Variants in GPR176 observed in about 807,000 individuals in gnomAD.
GPR176 encodes G protein-coupled receptor 176.
Under a neutral mutation model 35.4 loss-of-function variants are expected in GPR176, and 26 were observed. The ratio of observed to expected loss-of-function variants is 0.74; its 90% CI spans 0.54 to 1.02. GPR176 has a LOEUF of 1.02. GPR176 is among the 50% of genes least tolerant of loss of function. The probability of loss-of-function intolerance (pLI) is 0.00; values close to 1 mark genes in which losing one functional copy is unlikely to be tolerated. For synonymous variants in GPR176, 278 were observed against 271.3 expected, an observed-to-expected ratio of 1.02 and a Z score of -0.24; for missense variants, 597 against 665.3, an observed-to-expected ratio of 0.90 and a Z score of 1.13.
intron 1 of GPR176, among the ~76,000 whole-genome samples, chr15:39,811,730 C>A (rs988288778): frequency 1.3e-5 from 2 of 152,058 alleles, no homozygotes; most frequent in African/African-American, 4.8e-5. Context: ...TCCTGGCGAA[C>A]ATGGTGAAAC....
Position 39,802,191 on chromosome 15 carries a change from C to T in GPR176, c.489G>A (p.Val163=), listed in dbSNP as rs376168046. 4 of 1,613,980 alleles carry T rather than the reference C, an allele frequency of 2.5e-6. No individual in the cohort carries two copies. Among genetic ancestry groups the T allele is most frequent in the Non-Finnish European group, 3.4e-6 (4 of 1,179,884 alleles). Residue 163 remains valine, a synonymous_variant, in exon 3 of 3, where the codon GTG becomes GTA. Transcript: ENST00000561100. Reference sequence around the variant, plus strand: ...CCACTGCATGGGCCCAGATGTACATCACCAGTTCACGGGACTTGGCATCAG... The same window carrying T: ...CCACTGCATGGGCCCAGATGTACATTACCAGTTCACGGGACTTGGCATCAG... ...KISDAKSREL[V]MYIWAHAVVA... is the part of the protein sequence containing the mutation.
At chr15:39,815,131 G>A (rs1019123032) in intron 1 of GPR176, among the ~76,000 whole-genome samples, 13 of 152,212 alleles carry the variant, frequency 8.5e-5, no homozygotes, top group Non-Finnish European at 1.8e-4. Flanking sequence ...GAAAAGGTCT[G>A]AAAGACAGAA....
chr15:39,913,557 GAAAA>G (rs974215148), intron 1 of GPR176, among the ~76,000 whole-genome samples: 7 of 150,160 alleles, frequency 4.7e-5, no homozygotes, highest in African/African-American at 1.7e-4. Context: ...AAAAAAAAAA[GAAAA>G]AAGAAAGAAA....
chr15:39,918,276 C>T (rs998651130), intron 1 of GPR176, among the ~76,000 whole-genome samples: 25 of 152,132 alleles, frequency 1.6e-4, no homozygotes, highest in African/African-American at 6.0e-4. Flanking sequence ...TAAATGTTTA[C>T]GATTTGCTAT....
rs146560194 is a variant in GPR176 at position 39,841,718 on chromosome 15, G to A, written c.173-34460C>T. Among the ~76,000 whole-genome samples, 243 of 152,266 alleles carry A rather than the reference G, an allele frequency of 1.6e-3. 1 individual carries two copies. The highest frequency in any genetic ancestry group is 5.7e-3 in the African/African-American group (236 of 41,556). On this transcript the variant is annotated intron_variant, in intron 1 of 2. Coordinates refer to ENST00000561100, the MANE Select transcript of GPR176 (RefSeq NM_007223.3). ...CAGAACTGTGAGATAATAAATTTCT[G>A]TTGTGTTAAGCCACCCAGTTTATGG...
At chr15:39,811,833 G>A (rs1280045182) in intron 1 of GPR176, among the ~76,000 whole-genome samples, 1 of 151,796 alleles carries the variant, frequency 6.6e-6, no homozygotes, top group African/African-American at 2.4e-5. Context: ...GGAGAATGGC[G>A]TGAACCTGGG....
intron 1 of GPR176, among the ~76,000 whole-genome samples, chr15:39,827,124 C>T (rs1236925008): frequency 6.6e-6 from 1 of 152,104 alleles, no homozygotes; most frequent in Non-Finnish European, 1.5e-5. Context: ...GGAATTTATG[C>T]TAAACAATGT....
At chr15:39,872,911 CTGTGTGTGTGTGTGTGTGTGTG>C (rs6145533) in intron 1 of GPR176, among the ~76,000 whole-genome samples, 62,950 of 141,416 alleles carry the variant, frequency 0.45, 13,943 homozygotes, top group East Asian at 0.63. Context: ...TCCAAAATAT[CTGTGTGTGTGTGTGTGTGTGTG>C]TGTGTGTGTG....
intron 1 of GPR176, among the ~76,000 whole-genome samples, chr15:39,919,351 G>A (rs891862814): frequency 1.3e-5 from 2 of 151,998 alleles, no homozygotes; most frequent in African/African-American, 4.8e-5. Context: ...CCAGCAGGTT[G>A]GTGTTCCGAA....
chr15:39,887,242 G>C (rs1376916577), intron 1 of GPR176, among the ~76,000 whole-genome samples: 1 of 152,162 alleles, frequency 6.6e-6, no homozygotes, highest in Admixed American at 6.5e-5. Flanking sequence ...CTGGGTCCTA[G>C]AAGCAGAAAA....
chr15:39,917,960 A>C (rs1451455531), intron 1 of GPR176, among the ~76,000 whole-genome samples: 7 of 149,902 alleles, frequency 4.7e-5, no homozygotes, highest in Non-Finnish European at 7.4e-5. Flanking sequence ...CAGGAGAATC[A>C]CTTGAACCCA....
At chr15:39,893,094 T>C (rs1036692809) in intron 1 of GPR176, among the ~76,000 whole-genome samples, 2 of 146,222 alleles carry the variant, frequency 1.4e-5, no homozygotes, top group Non-Finnish European at 3.1e-5. Context: ...TCTCTAACTC[T>C]CTTTTTTTTT....
intron 1 of GPR176, among the ~76,000 whole-genome samples, chr15:39,815,923 A>G (rs573734756): frequency 1.7e-4 from 26 of 152,378 alleles, no homozygotes; most frequent in African/African-American, 6.3e-4. Context: ...TGAATGGATA[A>G]ATGGACGAAT....
intron 1 of GPR176, among the ~76,000 whole-genome samples, chr15:39,894,806 C>A (rs925903853): frequency 4.6e-5 from 7 of 152,234 alleles, no homozygotes; most frequent in African/African-American, 1.7e-4. Flanking sequence ...CTCCTCACTT[C>A]CCAGACGGGG....
chr15:39,822,519 CTT>C (rs1900343583), intron 1 of GPR176, among the ~76,000 whole-genome samples: 9 of 152,130 alleles, frequency 5.9e-5, no homozygotes, highest in Admixed American at 5.9e-4. Flanking sequence ...ATTAGTGAGA[CTT>C]ATTTCTAAGT....
At position 39,879,125 on chromosome 15, in the gene GPR176, A is replaced by G. The variant is rs118010066; in HGVS notation, c.172+40730T>C. Reference sequence around the variant, plus strand: ...AAACTAGAGAACAAATGGGTCAACTATCATTTTACAGACTACTGGGCCTAC... The same window carrying G: ...AAACTAGAGAACAAATGGGTCAACTGTCATTTTACAGACTACTGGGCCTAC... On this transcript the variant is annotated intron_variant, in intron 1 of 2. Transcript: ENST00000561100. Among the ~76,000 whole-genome samples the G allele has an allele frequency of 2.8e-3, 430 of 152,328 alleles. 5 individuals carry two copies. Among genetic ancestry groups the G allele is most frequent in the East Asian group, 0.027 (141 of 5,192 alleles).
intron 1 of GPR176, among the ~76,000 whole-genome samples, chr15:39,838,525 A>G (rs113255168): frequency 0.01 from 1,527 of 152,320 alleles, 25 homozygotes; most frequent in African/African-American, 0.035. Context: ...ATAAGGGTTC[A>G]ATATATTCAA....
intron 1 of GPR176, among the ~76,000 whole-genome samples, chr15:39,855,992 A>C (rs76450626): frequency 0.012 from 1,883 of 152,338 alleles, 57 homozygotes; most frequent in African/African-American, 0.043. Flanking sequence ...AAGATGCCGA[A>C]ACAAATTCAG....
chr15:39,873,730 C>T (rs2032138692), intron 1 of GPR176, among the ~76,000 whole-genome samples: 1 of 151,678 alleles, frequency 6.6e-6, no homozygotes, highest in Non-Finnish European at 1.5e-5. Context: ...TATCTATGGG[C>T]ACCCTGCACC....
Sources: allele counts gnomAD v4.1 joint callset (sites outside exome capture counted in the v4.1 genomes callset), GRCh38; gene constraint gnomAD v4.1.1; transcripts MANE v1.5; gene names NCBI Gene and HGNC (gene_info 2026-07-23, HGNC 2026-07-21).